Variants in LRCH1 observed in about 807,000 individuals in gnomAD.
LRCH1 encodes the protein leucine-rich repeat and calponin homology domain-containing protein 1.
In LRCH1, 23 loss-of-function variants were observed where a neutral mutation model predicts 94.9. That is an observed-to-expected ratio of 0.24 (90% CI 0.17 to 0.34). The LOEUF (loss-of-function observed/expected upper bound fraction) is 0.34, where lower values mean the gene tolerates loss of function less well. Among genes scored for constraint, LRCH1 ranks in the 10% least tolerant of loss-of-function variants. The pLI is 1.00. For missense variants in LRCH1, 790 were observed against 945.9 expected (o/e 0.84, Z 2.16); for synonymous variants, 364 against 354.9 (o/e 1.03, Z -0.29).
At chr13:46,642,309 A>G (rs1185338020) in intron 1 of LRCH1, among the ~76,000 whole-genome samples, 1 of 152,178 alleles carries the variant, frequency 6.6e-6, no homozygotes, top group Non-Finnish European at 1.5e-5. Flanking sequence ...ATGCAGTTCT[A>G]TGAGGCAGAA....
chr13:46,570,603 A>G (rs901279723), intron 1 of LRCH1, among the ~76,000 whole-genome samples: 1 of 152,224 alleles, frequency 6.6e-6, no homozygotes, highest in Non-Finnish European at 1.5e-5. Flanking sequence ...GATATTAGGG[A>G]AACTTTTCAA....
chr13:46,667,954 C>A (rs2051543240), intron 2 of LRCH1, among the ~76,000 whole-genome samples: 1 of 152,354 alleles, frequency 6.6e-6, no homozygotes, highest in East Asian at 1.9e-4. Flanking sequence ...TAAATACACT[C>A]ACACAGGAAC....
intron 1 of LRCH1, among the ~76,000 whole-genome samples, chr13:46,557,442 T>G (rs568700359): frequency 1.0e-3 from 157 of 150,016 alleles, no homozygotes; most frequent in African/African-American, 3.7e-3. Flanking sequence ...GCACTGTGGC[T>G]CACACCTGTA....
chr13:46,587,238 C>T (rs530744308), intron 1 of LRCH1, among the ~76,000 whole-genome samples: 6 of 152,324 alleles, frequency 3.9e-5, no homozygotes, highest in Admixed American at 2.0e-4. Flanking sequence ...TAGGTGCCCT[C>T]TTTGTCTTTG....
intron 1 of LRCH1, among the ~76,000 whole-genome samples, chr13:46,626,796 T>C (rs1250912307): frequency 2.0e-5 from 3 of 152,210 alleles, no homozygotes; most frequent in Non-Finnish European, 2.9e-5. Flanking sequence ...TGGTAATCTA[T>C]CAAATATATA....
At chr13:46,672,719 C>A (rs1487631808) in intron 3 of LRCH1, among the ~76,000 whole-genome samples, 1 of 152,206 alleles carries the variant, frequency 6.6e-6, no homozygotes, top group Non-Finnish European at 1.5e-5. Context: ...GGCTGCCCTG[C>A]ATTACAGGAC....
intron 16 of LRCH1, among the ~76,000 whole-genome samples, chr13:46,719,310 A>C (rs897287076): frequency 2.3e-4 from 35 of 152,304 alleles, no homozygotes; most frequent in African/African-American, 7.9e-4. Context: ...TGTTTCATTT[A>C]CTCGTTCAAC....
chr13:46,660,034 C>CTTTTTTTTTTTTTTTT (rs767544799), intron 2 of LRCH1, among the ~76,000 whole-genome samples: 19 of 103,646 alleles, frequency 1.8e-4, no homozygotes, highest in African/African-American at 2.9e-4. Context: ...TTAGGAGTCA[C>CTTTTTTTTTTTTTTTT]TTTTTTTTTT....
At chr13:46,708,332 C>A (rs1172445685) in intron 13 of LRCH1, among the ~76,000 whole-genome samples, 1 of 140,100 alleles carries the variant, frequency 7.1e-6, no homozygotes, top group Non-Finnish European at 1.5e-5. Context: ...GGTTGAAGTG[C>A]ACAATCTCGG....
At chr13:46,589,854 G>A (rs2050479691) in intron 1 of LRCH1, among the ~76,000 whole-genome samples, 1 of 151,294 alleles carries the variant, frequency 6.6e-6, no homozygotes, top group Non-Finnish European at 1.5e-5. Context: ...AATGGCCTTG[G>A]CTTCACAAAG....
chr13:46,713,201 C>G (rs1012104442), intron 15 of LRCH1, among the ~76,000 whole-genome samples: 2 of 152,176 alleles, frequency 1.3e-5, no homozygotes, highest in African/African-American at 4.8e-5. Context: ...AGAAAGTACT[C>G]TGTATAGAAA....
At chr13:46,714,300 G>A (rs9526222) in intron 15 of LRCH1, among the ~76,000 whole-genome samples, 1 of 151,826 alleles carries the variant, frequency 6.6e-6, no homozygotes, top group Non-Finnish European at 1.5e-5. Context: ...AGTGACATGT[G>A]GGAACTTTAA....
intron 1 of LRCH1, among the ~76,000 whole-genome samples, chr13:46,647,817 T>C (rs2051242093): frequency 1.4e-5 from 2 of 146,022 alleles, no homozygotes; most frequent in African/African-American, 5.1e-5. Flanking sequence ...TTTTTCGTTG[T>C]AAATGGCTAT....
chr13:46,599,976 C>T (rs886482228), intron 1 of LRCH1, among the ~76,000 whole-genome samples: 3 of 152,128 alleles, frequency 2.0e-5, no homozygotes, highest in Non-Finnish European at 1.5e-5. Context: ...CTCACGCCAC[C>T]GATCTTAATT....
At chr13:46,616,899 C>T (rs916355381) in intron 1 of LRCH1, among the ~76,000 whole-genome samples, 8 of 152,122 alleles carry the variant, frequency 5.3e-5, no homozygotes, top group Admixed American at 5.2e-4. Flanking sequence ...GTGGATCTCA[C>T]AAAGTACATT....
intron 1 of LRCH1, among the ~76,000 whole-genome samples, chr13:46,635,512 C>T (rs534975740): frequency 2.3e-5 from 3 of 127,834 alleles, no homozygotes; most frequent in African/African-American, 9.0e-5. Flanking sequence ...GCTCTGGTGC[C>T]CAGGCCAGAG....
At chr13:46,585,113 C>T (rs1037272680) in intron 1 of LRCH1, among the ~76,000 whole-genome samples, 1 of 152,114 alleles carries the variant, frequency 6.6e-6, no homozygotes, top group Non-Finnish European at 1.5e-5. Context: ...GAAACATTTC[C>T]AGCTTTGAAA....
chr13:46,611,315 T>C (rs982011701), intron 1 of LRCH1, among the ~76,000 whole-genome samples: 2 of 152,172 alleles, frequency 1.3e-5, no homozygotes, highest in Non-Finnish European at 2.9e-5. Context: ...AGCTTCCTTC[T>C]TCAGCTTCCT....
At chr13:46,554,839 C>G (rs886553862) in intron 1 of LRCH1, among the ~76,000 whole-genome samples, 2 of 152,180 alleles carry the variant, frequency 1.3e-5, no homozygotes, top group African/African-American at 4.8e-5. Flanking sequence ...CTGCCCAGAC[C>G]TCTTGGCTGT....
Sources: allele counts gnomAD v4.1 joint callset (sites outside exome capture counted in the v4.1 genomes callset), GRCh38; gene constraint gnomAD v4.1.1; transcripts MANE v1.5; gene names NCBI Gene and HGNC (gene_info 2026-07-23, HGNC 2026-07-21).